PDE4B: variants seen among roughly 807,000 people sequenced by gnomAD.
PDE4B encodes 3',5'-cyclic-AMP phosphodiesterase 4B.
In PDE4B, 20 loss-of-function variants were observed where a neutral mutation model predicts 82.2. That is an observed-to-expected ratio of 0.24 (90% CI 0.17 to 0.35). The LOEUF is 0.35. Ranked by LOEUF, PDE4B falls within the 10% of genes least tolerant of loss-of-function variation. The pLI is 1.00. For synonymous variants in PDE4B, 320 were observed against 318.9 expected (o/e 1.00, Z -0.04); for missense variants, 655 against 907.2 (o/e 0.72, Z 3.57).
chr1:66,204,591 C>A (rs1053701643), intron 3 of PDE4B, among the ~76,000 whole-genome samples: 4 of 152,218 alleles, frequency 2.6e-5, no homozygotes, highest in African/African-American at 9.6e-5. Context: ...GCAGTCTGAT[C>A]TCAGACTGCT....
intron 3 of PDE4B, among the ~76,000 whole-genome samples, chr1:66,198,801 C>T (rs1010100473): frequency 1.3e-5 from 2 of 151,712 alleles, no homozygotes; most frequent in African/African-American, 4.9e-5. Flanking sequence ...TGATGTTGCC[C>T]TTCCTGTGTC....
At chr1:65,925,284 G>A (rs571012868) in intron 3 of PDE4B, among the ~76,000 whole-genome samples, 1 of 151,970 alleles carries the variant, frequency 6.6e-6, no homozygotes, top group East Asian at 1.9e-4. Flanking sequence ...GGCACATGTT[G>A]TATGTAACAA....
intron 7 of PDE4B, among the ~76,000 whole-genome samples, chr1:66,298,054 C>A (rs1014056665): frequency 1.3e-5 from 2 of 152,110 alleles, no homozygotes; most frequent in African/African-American, 4.8e-5. Flanking sequence ...ATCATAAACT[C>A]TTGAGATACA....
chr1:65,920,858 G>A (rs1647223269), intron 3 of PDE4B, among the ~76,000 whole-genome samples: 1 of 148,456 alleles, frequency 6.7e-6, no homozygotes, highest in Non-Finnish European at 1.5e-5. Context: ...TTTATAACAT[G>A]TGTGTTTTAT....
At chr1:65,794,248 TA>T (rs1645606816) in intron 1 of PDE4B, among the ~76,000 whole-genome samples, 3 of 152,346 alleles carry the variant, frequency 2.0e-5, no homozygotes, top group South Asian at 4.1e-4. Flanking sequence ...ATGCATCGTT[TA>T]ATTTCAAAGA....
intron 1 of PDE4B, among the ~76,000 whole-genome samples, chr1:65,911,679 G>A (rs755199850): frequency 2.0e-5 from 3 of 151,996 alleles, no homozygotes; most frequent in Non-Finnish European, 2.9e-5. Context: ...AGCATTAGAG[G>A]GGCATCGTAG....
At chr1:66,351,080 T>C (rs1042423213) in intron 8 of PDE4B, among the ~76,000 whole-genome samples, 1 of 152,224 alleles carries the variant, frequency 6.6e-6, no homozygotes, top group Non-Finnish European at 1.5e-5. Flanking sequence ...ATAGAAGCAA[T>C]TTCTAGCAGT....
At chr1:66,237,334 A>G (rs1217457918) in intron 3 of PDE4B, among the ~76,000 whole-genome samples, 1 of 152,206 alleles carries the variant, frequency 6.6e-6, no homozygotes, top group Non-Finnish European at 1.5e-5. Flanking sequence ...TATTATTTGA[A>G]TTTACAGCAA....
At chr1:66,040,121 G>C (rs1157224700) in intron 3 of PDE4B, among the ~76,000 whole-genome samples, 2 of 151,952 alleles carry the variant, frequency 1.3e-5, no homozygotes, top group Non-Finnish European at 2.9e-5. Flanking sequence ...GGTTACTCAG[G>C]ATTCTATGTT....
At chr1:65,968,479 C>T (rs1214777144) in intron 3 of PDE4B, among the ~76,000 whole-genome samples, 1 of 134,428 alleles carries the variant, frequency 7.4e-6, no homozygotes, top group Non-Finnish European at 1.6e-5. Flanking sequence ...GTGTTCCCTC[C>T]TACTGGGTTG....
chr1:66,043,967 T>A (rs1295278845), intron 3 of PDE4B, among the ~76,000 whole-genome samples: 2 of 151,726 alleles, frequency 1.3e-5, no homozygotes, highest in African/African-American at 4.8e-5. Context: ...AAACAAAAAA[T>A]TTATGTCTCA....
At chr1:65,869,648 G>A (rs1400859588) in intron 1 of PDE4B, among the ~76,000 whole-genome samples, 2 of 152,150 alleles carry the variant, frequency 1.3e-5, no homozygotes, top group Admixed American at 6.5e-5. Flanking sequence ...CTGAGAGGGA[G>A]GCTGGATGGT....
At chr1:66,353,393 T>G (rs1199274482) in intron 8 of PDE4B, among the ~76,000 whole-genome samples, 1 of 152,140 alleles carries the variant, frequency 6.6e-6, no homozygotes, top group Non-Finnish European at 1.5e-5. Flanking sequence ...AAGCCAGGTC[T>G]CCTAGGCACA....
chr1:65,901,634 T>G (rs1005471875), intron 1 of PDE4B, among the ~76,000 whole-genome samples: 1 of 152,108 alleles, frequency 6.6e-6, no homozygotes, highest in Non-Finnish European at 1.5e-5. Context: ...ATTTTGAATT[T>G]GATATTGGTC....
chr1:65,849,628 CA>C (rs2101382776), intron 1 of PDE4B, among the ~76,000 whole-genome samples: 1 of 152,110 alleles, frequency 6.6e-6, no homozygotes, highest in South Asian at 2.1e-4. Context: ...CACTCCACTG[CA>C]AAACTACCTG....
In PDE4B at chr1:65,849,701, GC is replaced by G. The variant is rs575060214; in HGVS notation, c.-71+56454del. ...CATATACTTTTAGATACTGGGCACT[GC>G]AGAAAAAGAAAAAAAACAACAACAC... On this transcript the variant is annotated intron_variant, in intron 1 of 16. Coordinates refer to ENST00000341517, the MANE Select transcript of PDE4B (RefSeq NM_002600.4). 2.2e-3 allele frequency among the ~76,000 whole-genome samples: 329 copies of G among 150,570 alleles called. 1 individual carries two copies. Among genetic ancestry groups the G allele is most frequent in the African/African-American group, 7.3e-3 (303 of 41,312 alleles).
chr1:66,088,944 C>T (rs770408179), intron 3 of PDE4B, among the ~76,000 whole-genome samples: 1 of 151,996 alleles, frequency 6.6e-6, no homozygotes, highest in Non-Finnish European at 1.5e-5. Flanking sequence ...ACAAGGGTTC[C>T]GAAGTGACTG....
intron 3 of PDE4B, among the ~76,000 whole-genome samples, chr1:66,068,095 A>G (rs1307593524): frequency 1.6e-5 from 1 of 62,108 alleles, no homozygotes; most frequent in African/African-American, 5.6e-5. Flanking sequence ...AAGTATAATA[A>G]TAATAAAATT....
intron 7 of PDE4B, among the ~76,000 whole-genome samples, chr1:66,319,141 G>A (rs774333081): frequency 3.3e-5 from 5 of 152,184 alleles, no homozygotes; most frequent in African/African-American, 4.8e-5. Context: ...ATCCAAGGTC[G>A]TGTGTGATCT....
Sources: gnomAD v4.1 joint callset for allele counts (sites outside exome capture counted in the v4.1 genomes callset) on GRCh38, gnomAD v4.1.1 for gene constraint, MANE v1.5 for transcripts, NCBI Gene and HGNC (gene_info 2026-07-23, HGNC 2026-07-21) for gene names.